The following PHLPP2 variants were observed in gnomAD, a reference collection of about 807,000 sequenced individuals.
The protein encoded by PHLPP2 is PH domain and leucine rich repeat protein phosphatase 2, also known as PH domain leucine-rich repeat-containing protein phosphatase 2.
Under a neutral mutation model 124.9 loss-of-function variants are expected in PHLPP2, and 66 were observed. The observed-to-expected ratio is 0.53, with a 90% CI of 0.43 to 0.65. PHLPP2 has a LOEUF of 0.65. PHLPP2 is among the 30% of genes least tolerant of loss of function. The pLI, the probability that PHLPP2 is intolerant of heterozygous loss-of-function variation, is 0.00. For missense variants in PHLPP2, 1,685 were observed against 1,600.4 expected (o/e 1.05, Z -0.90); for synonymous variants, 681 against 624.7 (o/e 1.09, Z -1.34).
At chr16:71,654,699 C>T (rs1267239737) in intron 17 of PHLPP2, among the ~76,000 whole-genome samples, 10 of 152,172 alleles carry the variant, frequency 6.6e-5, no homozygotes, top group Admixed American at 6.5e-4. Flanking sequence ...GTAGTTTCTA[C>T]TTACCACATT....
chr16:71,649,048 G>C lies in PHLPP2; in HGVS notation c.3814C>G (p.Pro1272Ala). ...PKRKTGYFAA[P>A]TQMEPEDQFV... ...TGGTCCTCTGGTTCCATCTGAGTGG[G>C]GGCAGCAAAATAGCCAGTTTTCCTC... is the stretch of plus-strand genomic sequence containing the variant. The change falls in exon 19 of 19, where the codon CCC (proline) becomes GCC (alanine). Residue 1272 changes from proline (P) to alanine (A), a missense_variant. By Grantham distance (27) the Pro-to-Ala change is conservative. Transcript: ENST00000568954. 1 of 1,614,138 alleles carries C rather than the reference G, an allele frequency of 6.2e-7. No individual in the cohort carries two copies. Among genetic ancestry groups the C allele is most frequent in the Non-Finnish European group, 8.5e-7 (1 of 1,180,024 alleles).
At chr16:71,671,653 G>A (rs1438088762) in intron 10 of PHLPP2, among the ~76,000 whole-genome samples, 1 of 151,950 alleles carries the variant, frequency 6.6e-6, no homozygotes, top group Non-Finnish European at 1.5e-5. Flanking sequence ...GGTGGCTCAC[G>A]CCTGTAATCC....
intron 1 of PHLPP2, among the ~76,000 whole-genome samples, chr16:71,719,550 C>A (rs759335401): frequency 1.3e-5 from 2 of 151,676 alleles, no homozygotes; most frequent in Non-Finnish European, 2.9e-5. Context: ...TAAAAAGTAT[C>A]TTTTTTAATT....
At chr16:71,678,572 C>G (rs2044968550) in intron 8 of PHLPP2, 183 bp downstream of exon 8, 1 of 566,954 alleles carries the variant, frequency 1.8e-6, no homozygotes. Flanking sequence ...AACGGGAGGT[C>G]AAGACTGCAG....
intron 16 of PHLPP2, 143 bp downstream of exon 16, chr16:71,656,428 G>A (rs923438034): frequency 3.6e-6 from 2 of 562,814 alleles, no homozygotes; most frequent in Middle Eastern, 3.8e-4. Context: ...TGATCCCAAA[G>A]GGATCTTATC....
chr16:71,662,494 A>G (rs768952126), intron 13 of PHLPP2, among the ~76,000 whole-genome samples: 20 of 152,054 alleles, frequency 1.3e-4, no homozygotes, highest in Non-Finnish European at 2.5e-4. Flanking sequence ...TCTCCTTGGA[A>G]GGTTGAGGCA....
At position 71,658,263 on chromosome 16, in the gene PHLPP2, A is replaced by G; in HGVS notation, c.2249T>C (p.Val750Ala). The change falls in exon 15 of 19, where the codon GTT becomes GCT. Residue 750 changes from valine to alanine, a missense_variant. Transcript: ENST00000568954. The part of the protein sequence containing the change: ...DLDLTGNTNL[V>A]LEHKTLDIFS... ...TATGTCCAGTGTCTTGTGTTCCAGA[A>G]CCAGATTTGTATTTCCAGTCAGGTC... 6.2e-7 allele frequency: 1 copy of G among 1,613,970 alleles called. No individual in the cohort carries two copies. Among genetic ancestry groups the G allele is most frequent in the South Asian group, 1.1e-5 (1 of 91,050 alleles).
intron 1 of PHLPP2, chr16:71,723,982 C>T (rs2045417231): frequency 4.0e-6 from 1 of 249,850 alleles, no homozygotes; most frequent in Admixed American, 6.4e-5. Context: ...TCCGCCCCTC[C>T]GGCGGCTCGC....
chr16:71,645,553 G>A lies in PHLPP2; in HGVS notation c.*3337C>T, dbSNP rs2044647741. On this transcript the variant is annotated 3_prime_UTR_variant, in exon 19 of 19. Transcript: ENST00000568954. ...TTGGATAGATAGAGAAGGTGAGCCTGTGGCTTCCAAGTACCGGCTTTTGCT... is the reference window on the plus strand; with the variant it reads ...TTGGATAGATAGAGAAGGTGAGCCTATGGCTTCCAAGTACCGGCTTTTGCT... The A allele has an allele frequency of 6.5e-6, 1 of 152,694 alleles. No homozygotes were observed. The allele number at this position is 152,694 out of a possible 1,614,324, so 9.5% of individuals were successfully genotyped here. A position where few individuals can be genotyped will look rare whatever the true frequency, so the allele number is the denominator to read the frequency against.
At chr16:71,714,115 T>C (rs1434961296) in intron 2 of PHLPP2, among the ~76,000 whole-genome samples, 5 of 151,994 alleles carry the variant, frequency 3.3e-5, no homozygotes, top group Admixed American at 3.3e-4. Context: ...AATTTTTATA[T>C]TTTTAGTAGC....
chr16:71,650,822 A>C (rs2044690760), intron 18 of PHLPP2, among the ~76,000 whole-genome samples: 1 of 152,246 alleles, frequency 6.6e-6, no homozygotes, highest in African/African-American at 2.4e-5. Flanking sequence ...CATAAACTCT[A>C]AACTGTACTT....
rs758262686 is a variant in PHLPP2 at position 71,667,206 on chromosome 16, G to A, written c.1756C>T (p.Pro586Ser). The change falls in exon 12 of 19, where the codon CCA (proline) becomes TCA (serine). Residue 586 changes from proline (P) to serine (S), a missense_variant. Pro to Ser is a moderately conservative substitution (Grantham distance 74, BLOSUM62 -1). Transcript: ENST00000568954. ...AAGGCCTTGGAGAAGAGGGTGTCTG[G>A]CAGCCTCGTGAGTGCATTATGCTGA... ...DLQHNALTRLPDTLFSKALNL... is the reference protein window; with the variant it reads ...DLQHNALTRLSDTLFSKALNL... 5 of 1,613,096 alleles carry A rather than the reference G, an allele frequency of 3.1e-6. No individual in the cohort carries two copies. Among genetic ancestry groups the A allele is most frequent in the African/African-American group, 1.3e-5 (1 of 74,832 alleles).
Position 71,678,972 on chromosome 16 carries a change from A to G in PHLPP2, c.1051T>C (p.Cys351Arg). 1 of 1,599,262 alleles carries G rather than the reference A, an allele frequency of 6.3e-7. No homozygotes were observed. The highest frequency in any genetic ancestry group is 2.2e-5 in the East Asian group (1 of 44,816). Residue 351 changes from cysteine (C) to arginine (R), a missense_variant, in exon 8 of 19, where the codon TGT (cysteine) becomes CGT (arginine). Cys to Arg is a radical substitution (Grantham distance 180). Transcript: ENST00000568954. ...IGNLLNLQTL[C>R]LDGNFLTTLP... ...GTAGTCAGAAAGTTGCCATCAAGAC[A>G]GAGGGTTTGAAGACTATAGGAAGAA...
chr16:71,671,590 G>T (rs1043701242), intron 10 of PHLPP2, among the ~76,000 whole-genome samples: 3 of 151,746 alleles, frequency 2.0e-5, no homozygotes, highest in Admixed American at 2.0e-4. Flanking sequence ...ATGAGTTATA[G>T]GAGTACAAAA....
At chr16:71,711,319 GA>G (rs1196149817) in intron 2 of PHLPP2, among the ~76,000 whole-genome samples, 1 of 148,828 alleles carries the variant, frequency 6.7e-6, no homozygotes, top group African/African-American at 2.5e-5. Context: ...CAACAAGAGT[GA>G]AACTCCGTCT....
At position 71,676,632 on chromosome 16, in the gene PHLPP2, G is replaced by T. The variant is rs1210921688; in HGVS notation, c.1286C>A (p.Thr429Asn). 1.2e-6 allele frequency: 2 copies of T among 1,611,328 alleles called. No homozygotes were observed. The highest frequency in any genetic ancestry group is 1.7e-5 in the Admixed American group (1 of 60,018). Reference sequence around the variant, plus strand: ...TCCCTCCAGATTTTCAATAACCATGGTTTTCAAATGGTTCATCCTTAATAC... The same window carrying T: ...TCCCTCCAGATTTTCAATAACCATGTTTTTCAAATGGTTCATCCTTAATAC... Reference protein sequence around the residue: ...HVDLRMNHLKTMVIENLEGNK... With the variant: ...HVDLRMNHLKNMVIENLEGNK... Residue 429 changes from threonine to asparagine, a missense_variant, in exon 9 of 19, where the codon ACC becomes AAC. By Grantham distance (65) the Thr-to-Asn change is moderately conservative. Coordinates refer to ENST00000568954, the MANE Select transcript of PHLPP2 (RefSeq NM_015020.3).
Position 71,649,428 on chromosome 16 carries a change from T to C in PHLPP2, c.3434A>G (p.Asn1145Ser), listed in dbSNP as rs1252604463. 1 of 1,614,122 alleles carries C rather than the reference T, an allele frequency of 6.2e-7. No individual in the cohort carries two copies. Among genetic ancestry groups the C allele is most frequent in the South Asian group, 1.1e-5 (1 of 91,088 alleles). ...SATFSSNQSDNGLDSDDDQPV... is the reference protein window; with the variant it reads ...SATFSSNQSDSGLDSDDDQPV... The stretch of plus-strand genomic sequence containing the variant: ...CTGGTCATCATCACTGTCCAGGCCG[T>C]TGTCAGACTGGTTACTGGAGAAGGT... Residue 1145 changes from asparagine (N) to serine (S), a missense_variant, in exon 19 of 19, where the codon AAC becomes AGC. Transcript: ENST00000568954.
intron 10 of PHLPP2, among the ~76,000 whole-genome samples, chr16:71,671,780 G>C (rs1159956610): frequency 1.3e-5 from 2 of 152,026 alleles, no homozygotes; most frequent in Middle Eastern, 3.4e-3. Context: ...CAGGCGTGGT[G>C]GTGGGCGCCT....
chr16:71,651,628 T>C (rs1030249278), intron 18 of PHLPP2, among the ~76,000 whole-genome samples: 1 of 152,218 alleles, frequency 6.6e-6, no homozygotes, highest in African/African-American at 2.4e-5. Context: ...TAATGCCTCA[T>C]ACTTCCAGAA....
Sources: gnomAD v4.1 joint callset for allele counts (sites outside exome capture counted in the v4.1 genomes callset) on GRCh38, gnomAD v4.1.1 for gene constraint, MANE v1.5 for transcripts, NCBI Gene and HGNC (gene_info 2026-07-23, HGNC 2026-07-21) for gene names.